SIK3: variants seen among roughly 807,000 people sequenced by gnomAD.
The protein encoded by SIK3 is serine/threonine-protein kinase SIK3.
Under a neutral mutation model 144.2 loss-of-function variants are expected in SIK3, and 28 were observed. The observed-to-expected ratio is 0.19, with a 90% CI of 0.14 to 0.27. The LOEUF is 0.27. Ranked by LOEUF, SIK3 falls within the 10% of genes least tolerant of loss-of-function variation. The pLI is 1.00. For synonymous variants in SIK3, 686 were observed against 676.3 expected (o/e 1.01, Z -0.22); for missense variants, 1,319 against 1,776.0 (o/e 0.74, Z 4.62).
At position 116,849,247 on chromosome 11, in the gene SIK3, G is replaced by A. The variant is rs766444475; in HGVS notation, c.3692C>T (p.Pro1231Leu). ...VIGNCMDRSS[P>L]GQAVELPDHN... is the part of the protein sequence containing the mutation. ...ATCCGGCAGCTCCACTGCTTGTCCT[G>A]GAGAACTTCTATCCATGCAGTTCCC... Residue 1231 changes from proline to leucine, a missense_variant, in exon 22 of 25, where the codon CCA becomes CTA. By Grantham distance (98) the Pro-to-Leu change is moderately conservative. Transcript: ENST00000445177. This position sits in a 1 kb window ranked among gnomAD's most constrained non-coding sequence, Gnocchi z 4.2. 7.4e-5 allele frequency: 120 copies of A among 1,614,074 alleles called. No homozygotes were observed. Among genetic ancestry groups the A allele is most frequent in the Non-Finnish European group, 9.7e-5 (115 of 1,180,034 alleles).
chr11:117,039,024 T>C (rs1057507948), intron 1 of SIK3, among the ~76,000 whole-genome samples: 7 of 151,802 alleles, frequency 4.6e-5, no homozygotes, highest in African/African-American at 1.7e-4. Context: ...CATTCCAGCC[T>C]GGGCGACGGA....
intron 1 of SIK3, among the ~76,000 whole-genome samples, chr11:116,993,761 A>C (rs1213521044): frequency 6.6e-6 from 1 of 152,188 alleles, no homozygotes; most frequent in Admixed American, 6.5e-5. Context: ...TCATTAGCTG[A>C]AAAACCTCTG....
At chr11:117,081,610 C>T (rs540218027) in intron 1 of SIK3, among the ~76,000 whole-genome samples, 1 of 152,036 alleles carries the variant, frequency 6.6e-6, no homozygotes, top group East Asian at 1.9e-4. Flanking sequence ...GGCGACAGAG[C>T]GAGACTCCGT....
chr11:117,005,601 CT>C (rs1414729370), intron 1 of SIK3, among the ~76,000 whole-genome samples: 1 of 152,056 alleles, frequency 6.6e-6, no homozygotes, highest in Admixed American at 6.6e-5. Context: ...TTTAATAACT[CT>C]GGAACTTCAG....
chr11:117,088,472 G>T (rs1395489748), intron 1 of SIK3, among the ~76,000 whole-genome samples: 3 of 152,094 alleles, frequency 2.0e-5, no homozygotes, highest in Non-Finnish European at 2.9e-5. Flanking sequence ...AAAGTCAAAA[G>T]ATGTATTAAG....
intron 1 of SIK3, among the ~76,000 whole-genome samples, chr11:117,070,451 T>C (rs1395498413): frequency 6.6e-6 from 1 of 151,756 alleles, no homozygotes; most frequent in Admixed American, 6.6e-5. Flanking sequence ...ACCTTTTTTT[T>C]TTTTTCTTTT....
At position 116,915,124 on chromosome 11, in the gene SIK3, A is replaced by ATGTGTGTGTGTGTGTGTGTGTGTGTG. The variant is rs35059138; in HGVS notation, c.616+12069_616+12094dup. Among the ~76,000 whole-genome samples, 215 of 129,952 alleles carry ATGTGTGTGTGTGTGTGTGTGTGTGTG rather than the reference A, an allele frequency of 1.7e-3. 2 individuals carry two copies. The highest frequency in any genetic ancestry group is 5.4e-3 in the African/African-American group (192 of 35,542). 85.3% of individuals were successfully genotyped at this position (129,952 alleles called of 152,430 possible). The stretch of plus-strand genomic sequence containing the variant: ...TATCATGTTTAGTAGGAAGCCATAT[A>ATGTGTGTGTGTGTGTGTGTGTGTGTG]TGTGTGTGTGTGTGTGTGTGTGTGT... On this transcript the variant is annotated intron_variant, in intron 4 of 24. Coordinates refer to ENST00000445177, the MANE Select transcript of SIK3 (RefSeq NM_001366686.3).
chr11:116,853,279 G>C lies in SIK3; in HGVS notation c.3656-3996C>G, dbSNP rs147061439. Among the ~76,000 whole-genome samples, 77 of 152,240 alleles carry C rather than the reference G, an allele frequency of 5.1e-4. 2 individuals carry two copies. Among genetic ancestry groups the C allele is most frequent in the African/African-American group, 1.6e-3 (67 of 41,528 alleles). ...AAATAAGACCCTATCGACCATTTTGGGGGGTACAAACAGACTAACCCACTG... is the reference window on the plus strand; with the variant it reads ...AAATAAGACCCTATCGACCATTTTGCGGGGTACAAACAGACTAACCCACTG... On this transcript the variant is annotated intron_variant, in intron 21 of 24. Coordinates refer to ENST00000445177, the MANE Select transcript of SIK3 (RefSeq NM_001366686.3).
intron 1 of SIK3, among the ~76,000 whole-genome samples, chr11:116,993,703 G>A (rs530843366): frequency 6.6e-6 from 1 of 152,326 alleles, no homozygotes; most frequent in South Asian, 2.1e-4. Flanking sequence ...GGTGCAAGGG[G>A]AGGATGGGTT....
chr11:116,908,017 A>G lies in SIK3; in HGVS notation c.617-10700T>C, dbSNP rs1402715096. 2.0e-5 allele frequency among the ~76,000 whole-genome samples: 3 copies of G among 151,092 alleles called. No homozygotes were observed. In the East Asian group the frequency reaches 5.8e-4, roughly 29 times the overall value. ...AAAAAAAAAAAAAGCAGGTATCTTT[A>G]CGGCCTCAGGGGATGGAAGAATTTC... On this transcript the variant is annotated intron_variant, in intron 4 of 24. Transcript: ENST00000445177.
intron 15 of SIK3, chr11:116,864,362 G>A (rs1320765198): frequency 6.6e-6 from 1 of 152,444 alleles, no homozygotes; most frequent in South Asian, 2.1e-4. Flanking sequence ...GAAGACTTCT[G>A]ATCCTGGGAT....
chr11:117,035,308 A>T (rs956863930), intron 1 of SIK3, among the ~76,000 whole-genome samples: 19 of 152,338 alleles, frequency 1.2e-4, no homozygotes, highest in African/African-American at 4.3e-4. Context: ...ATGTTCTAAA[A>T]TATAATGAAG....
chr11:117,056,590 T>C (rs1252686607), intron 1 of SIK3, among the ~76,000 whole-genome samples: 3 of 123,088 alleles, frequency 2.4e-5, no homozygotes, highest in African/African-American at 3.6e-5. Flanking sequence ...TAGATATAGA[T>C]ATAGATATAA....
Position 116,896,302 on chromosome 11 carries a change from C to T in SIK3, c.816G>A (p.Arg272=), listed in dbSNP as rs55905675. ...GGAACTTTCCACTCAGCACGCGGGCCCGCAGATTCTGCAGTGTGCTTCCAT... is the reference window on the plus strand; with the variant it reads ...GGAACTTTCCACTCAGCACGCGGGCTCGCAGATTCTGCAGTGTGCTTCCAT... ...PFDGSTLQNL[R]ARVLSGKFRI... The change falls in exon 6 of 25, where the codon CGG becomes CGA. Residue 272 remains arginine, a synonymous_variant. Transcript: ENST00000445177. 29 of 1,613,896 alleles carry T rather than the reference C, an allele frequency of 1.8e-5. 1 individual carries two copies. Among genetic ancestry groups the T allele is most frequent in the Non-Finnish European group, 2.2e-5 (26 of 1,179,922 alleles).
rs1422180469 is a variant in SIK3 at position 117,098,230 on chromosome 11, A to G, written c.186T>C (p.Arg62=). The G allele has an allele frequency of 6.7e-7, 1 of 1,496,114 alleles. No homozygotes were observed. The highest frequency in any genetic ancestry group is 1.2e-5 in the South Asian group (1 of 84,500). The allele number at this position is 1,496,114 out of a possible 1,614,324, so 92.7% of individuals were successfully genotyped here. Residue 62 remains arginine (R), a synonymous_variant, in exon 1 of 25, where the codon CGT becomes CGC. Transcript: ENST00000445177. ...APASRGPMPA[R]IGYYEIDRTI... ...TGCGGTCGATCTCGTAGTAGCCGAT[A>G]CGGGCGGGCATGGGTCCGCGGGAGG...
At chr11:116,920,060 A>C (rs1280416862) in intron 4 of SIK3, among the ~76,000 whole-genome samples, 1 of 151,326 alleles carries the variant, frequency 6.6e-6, no homozygotes, top group Non-Finnish European at 1.5e-5. Context: ...CTTATATCTT[A>C]TATTCAAATG....
At chr11:116,963,094 A>T (rs891316733) in intron 1 of SIK3, among the ~76,000 whole-genome samples, 1 of 152,212 alleles carries the variant, frequency 6.6e-6, no homozygotes, top group African/African-American at 2.4e-5. Flanking sequence ...GGCCCAAGTT[A>T]CAAGGCTCTC....
intron 8 of SIK3, 100 bp downstream of exon 8, chr11:116,876,153 A>AG: frequency 6.7e-7 from 1 of 1,482,452 alleles, no homozygotes; most frequent in Non-Finnish European, 9.2e-7. Context: ...GAAAAACAGG[A>AG]GGAAAAAAAA....
At chr11:117,044,635 A>T (rs941334118) in intron 1 of SIK3, among the ~76,000 whole-genome samples, 3 of 152,156 alleles carry the variant, frequency 2.0e-5, no homozygotes, top group Admixed American at 2.0e-4. Context: ...AAAAGTTAAA[A>T]ACTTGAGGGC....
Sources: gnomAD v4.1 joint callset for allele counts (sites outside exome capture counted in the v4.1 genomes callset) on GRCh38, gnomAD v4.1.1 for gene constraint, Gnocchi (gnomAD v3.1) non-coding constraint, MANE v1.5 for transcripts, NCBI Gene and HGNC (gene_info 2026-07-23, HGNC 2026-07-21) for gene names.